The following LARP4B variants were observed in gnomAD, a reference collection of about 807,000 sequenced individuals.
The protein encoded by LARP4B is la-related protein 4B.
A neutral mutation model predicts 89.8 loss-of-function variants in LARP4B; 12 were observed. That is an observed-to-expected ratio of 0.13 (90% CI 0.09 to 0.22). The LOEUF (loss-of-function observed/expected upper bound fraction) is 0.22, where lower values mean the gene tolerates loss of function less well. Among genes scored for constraint, LARP4B ranks in the 10% least tolerant of loss-of-function variants. The pLI is 1.00. For synonymous variants in LARP4B, 367 were observed against 363.3 expected, an observed-to-expected ratio of 1.01 and a Z score of -0.12; for missense variants, 757 against 947.7, an observed-to-expected ratio of 0.80 and a Z score of 2.64.
chr10:888,310 A>C (rs1005012644), intron 1 of LARP4B, among the ~76,000 whole-genome samples: 10 of 151,508 alleles, frequency 6.6e-5, no homozygotes, highest in African/African-American at 2.2e-4. Flanking sequence ...TGACAGAGCA[A>C]GACTGTCTCA....
chr10:977,915 G>T, the LARP4B span, among the ~76,000 whole-genome samples: 1 of 152,124 alleles, frequency 6.6e-6, no homozygotes, highest in Admixed American at 6.5e-5. Flanking sequence ...GTCACTGGGT[G>T]TGGGGGTGGG....
At chr10:922,051 C>A (rs562455107) in intron 1 of LARP4B, among the ~76,000 whole-genome samples, 2 of 151,622 alleles carry the variant, frequency 1.3e-5, no homozygotes, top group South Asian at 2.1e-4. Context: ...TCATGCAAGA[C>A]AATTTTTCCA....
At chr10:827,057 A>T (rs369025386) in intron 11 of LARP4B, among the ~76,000 whole-genome samples, 13 of 152,236 alleles carry the variant, frequency 8.5e-5, no homozygotes, top group Admixed American at 3.3e-4. Flanking sequence ...GGGCGGATCA[A>T]AAGGTCAGGA....
chr10:872,418 C>T (rs985625970), intron 3 of LARP4B, among the ~76,000 whole-genome samples: 7 of 152,236 alleles, frequency 4.6e-5, no homozygotes, highest in Non-Finnish European at 8.8e-5. Context: ...ACTGTGTCTA[C>T]CCAGGTGCCC....
chr10:859,768 CCTAT>C (rs1156485205), intron 5 of LARP4B, among the ~76,000 whole-genome samples: 1 of 151,926 alleles, frequency 6.6e-6, no homozygotes, highest in African/African-American at 2.4e-5. Flanking sequence ...ATGAAAGAAA[CCTAT>C]CTAAGAAGGC....
intron 1 of LARP4B, among the ~76,000 whole-genome samples, chr10:889,432 A>C (rs1835952605): frequency 1.3e-5 from 2 of 152,120 alleles, no homozygotes; most frequent in Admixed American, 1.3e-4. Flanking sequence ...AATCCACCGA[A>C]CATGCACACC....
chr10:955,256 C>T, the LARP4B span, among the ~76,000 whole-genome samples: 1 of 152,218 alleles, frequency 6.6e-6, no homozygotes, highest in Admixed American at 6.5e-5. The surrounding 1 kb of genome is among the most constrained non-coding windows in gnomAD (Gnocchi z 5.2). Flanking sequence ...ACTGAGGGCC[C>T]CACCCCTGCC....
intron 3 of LARP4B, among the ~76,000 whole-genome samples, chr10:878,940 C>CA (rs1267426093): frequency 1.3e-5 from 2 of 152,108 alleles, no homozygotes; most frequent in Non-Finnish European, 2.9e-5. Flanking sequence ...AAAGAAATTA[C>CA]AAAATGTTCT....
chr10:834,917 G>A (rs962723416), intron 8 of LARP4B, among the ~76,000 whole-genome samples: 7 of 151,992 alleles, frequency 4.6e-5, no homozygotes, highest in South Asian at 4.1e-4. Context: ...TTGGGAGGCC[G>A]TAATCCCAGC....
the LARP4B span, among the ~76,000 whole-genome samples, chr10:961,121 G>C: frequency 6.6e-6 from 1 of 152,174 alleles, no homozygotes; most frequent in Non-Finnish European, 1.5e-5. Flanking sequence ...ATTACCTGAG[G>C]GGATTTGTTG....
At chr10:904,004 A>G (rs1836415924) in intron 1 of LARP4B, among the ~76,000 whole-genome samples, 1 of 152,230 alleles carries the variant, frequency 6.6e-6, no homozygotes, top group South Asian at 2.1e-4. Context: ...CACTGACAGA[A>G]TACAAGCTGA....
intron 5 of LARP4B, among the ~76,000 whole-genome samples, chr10:848,921 AACTG>A (rs1833907346): frequency 6.6e-6 from 1 of 152,192 alleles, no homozygotes; most frequent in Non-Finnish European, 1.5e-5. Context: ...TTTTAAAAAT[AACTG>A]ACTTTTAAAT....
chr10:862,256 T>TAAAAAAAAAAAAAA (rs10661482), intron 5 of LARP4B, among the ~76,000 whole-genome samples: 13 of 84,410 alleles, frequency 1.5e-4, no homozygotes, highest in African/African-American at 6.7e-4. Context: ...CCACTGAAGT[T>TAAAAAAAAAAAAAA]AAAAAAAAAA....
rs1286789971 is a variant in LARP4B at position 810,276 on chromosome 10, C to G, written c.*2650G>C. ...TTCCTATTATGATAACTCTCATTTT[C>G]TTCTGAGCAGAAACTCTTGAAGTAG... On this transcript the variant is annotated 3_prime_UTR_variant, in exon 18 of 18. Transcript: ENST00000316157. The G allele has an allele frequency of 6.6e-6, 1 of 152,064 alleles. No homozygotes were observed. Among genetic ancestry groups the G allele is most frequent in the Non-Finnish European group, 1.5e-5 (1 of 68,018 alleles). 9.4% of individuals were successfully genotyped at this position (152,064 alleles called of 1,614,324 possible). A position where few individuals can be genotyped will look rare whatever the true frequency, so the allele number is the denominator to read the frequency against.
intron 11 of LARP4B, among the ~76,000 whole-genome samples, chr10:828,622 C>T (rs12414857): frequency 1.3e-5 from 2 of 152,202 alleles, no homozygotes; most frequent in Non-Finnish European, 2.9e-5. Flanking sequence ...AAGTTACTAA[C>T]TCAATTTCTG....
At chr10:914,478 T>C (rs777461036) in intron 1 of LARP4B, among the ~76,000 whole-genome samples, 1 of 150,132 alleles carries the variant, frequency 6.7e-6, no homozygotes, top group Non-Finnish European at 1.5e-5. Flanking sequence ...CAGCCTGGGC[T>C]ACAGAGGAAG....
At chr10:903,807 T>A (rs1425626767) in intron 1 of LARP4B, among the ~76,000 whole-genome samples, 1 of 151,356 alleles carries the variant, frequency 6.6e-6, no homozygotes, top group Non-Finnish European at 1.5e-5. Context: ...ACTCAAAGAG[T>A]AAGATGGGGA....
the LARP4B span, among the ~76,000 whole-genome samples, chr10:975,844 C>G: frequency 6.6e-6 from 1 of 150,964 alleles, no homozygotes; most frequent in East Asian, 2.0e-4. Context: ...GTGGACCCGG[C>G]CTAGTAGAAG....
rs184001743 is a variant in LARP4B, at chr10:814,079, G to A, written c.1929+663C>T. 1.4e-3 allele frequency among the ~76,000 whole-genome samples: 219 copies of A among 151,994 alleles called. No individual in the cohort carries two copies. Among genetic ancestry groups the A allele is most frequent in the Middle Eastern group, 3.4e-3 (1 of 294 alleles). On this transcript the variant is annotated intron_variant, in intron 17 of 17. Coordinates refer to ENST00000316157, the MANE Select transcript of LARP4B (RefSeq NM_015155.3). This position sits in a 1 kb window ranked among gnomAD's most constrained non-coding sequence, Gnocchi z 4.4. ...GCCTCCCAAAGTGCTGGGATTACAG[G>A]CGTGAGCCACAGCACCTGGCCTCTT... is the stretch of plus-strand genomic sequence containing the variant.
Sources: gnomAD v4.1 joint callset for allele counts (sites outside exome capture counted in the v4.1 genomes callset) on GRCh38, gnomAD v4.1.1 for gene constraint, Gnocchi (gnomAD v3.1) non-coding constraint, MANE v1.5 for transcripts, NCBI Gene and HGNC (gene_info 2026-07-23, HGNC 2026-07-21) for gene names.